The following DKK2 variants were observed in gnomAD, a reference collection of about 807,000 sequenced individuals.
DKK2 encodes the protein dickkopf Wnt signaling pathway inhibitor 2.
In DKK2, 11 loss-of-function variants were observed where a neutral mutation model predicts 28.1. That is an observed-to-expected ratio of 0.39 (90% CI 0.25 to 0.65). DKK2 has a LOEUF of 0.65. Ranked by LOEUF, DKK2 falls within the 30% of genes least tolerant of loss-of-function variation. The probability of loss-of-function intolerance (pLI) is 0.47; values close to 1 mark genes in which losing one functional copy is unlikely to be tolerated. For missense variants in DKK2, 326 were observed against 335.5 expected, an observed-to-expected ratio of 0.97 and a Z score of 0.22; for synonymous variants, 135 against 126.5, an observed-to-expected ratio of 1.07 and a Z score of -0.45.
At chr4:106,935,454 C>T (rs559347063) in intron 1 of DKK2, among the ~76,000 whole-genome samples, 52 of 152,346 alleles carry the variant, frequency 3.4e-4, no homozygotes, top group Non-Finnish European at 5.9e-4. Context: ...ACACCTGGCT[C>T]GGAGGGTCCT....
chr4:106,999,639 C>T (rs1282995424), intron 1 of DKK2, among the ~76,000 whole-genome samples: 2 of 152,168 alleles, frequency 1.3e-5, no homozygotes, highest in African/African-American at 4.8e-5. Context: ...GCCACCGTGC[C>T]CGGCCCTGTA....
At chr4:106,931,345 AT>A (rs1340198530) in intron 1 of DKK2, among the ~76,000 whole-genome samples, 3 of 152,140 alleles carry the variant, frequency 2.0e-5, no homozygotes, top group Non-Finnish European at 4.4e-5. Context: ...GTATTTATTT[AT>A]TGAACACCAA....
intron 1 of DKK2, among the ~76,000 whole-genome samples, chr4:107,028,495 C>A (rs1164326446): frequency 6.6e-6 from 1 of 152,032 alleles, no homozygotes; most frequent in East Asian, 1.9e-4. Context: ...CACCATTGCC[C>A]AGTAAGTTAA....
At chr4:106,951,837 C>T (rs1261642430) in intron 1 of DKK2, among the ~76,000 whole-genome samples, 1 of 152,052 alleles carries the variant, frequency 6.6e-6, no homozygotes, top group Non-Finnish European at 1.5e-5. Flanking sequence ...TTAAAATTTT[C>T]TGCAAAATAT....
intron 1 of DKK2, among the ~76,000 whole-genome samples, chr4:106,991,126 T>C (rs1294560309): frequency 6.6e-6 from 1 of 152,216 alleles, no homozygotes; most frequent in Non-Finnish European, 1.5e-5. Flanking sequence ...TTACATTTTA[T>C]ATGAAACAAT....
chr4:107,001,402 TAG>T (rs1479838380), intron 1 of DKK2, among the ~76,000 whole-genome samples: 2 of 152,242 alleles, frequency 1.3e-5, no homozygotes, highest in African/African-American at 4.8e-5. Flanking sequence ...GAAATTATAA[TAG>T]AGATTTGGGC....
intron 1 of DKK2, among the ~76,000 whole-genome samples, chr4:106,943,467 GA>G (rs1268680619): frequency 6.6e-6 from 1 of 151,998 alleles, no homozygotes; most frequent in Non-Finnish European, 1.5e-5. Context: ...TGGTAAAAAG[GA>G]AAATATTGAA....
At chr4:107,005,542 G>C (rs1032040350) in intron 1 of DKK2, among the ~76,000 whole-genome samples, 1 of 151,904 alleles carries the variant, frequency 6.6e-6, no homozygotes, top group Non-Finnish European at 1.5e-5. Flanking sequence ...AATAAATGTG[G>C]ATATTCTGAT....
chr4:106,981,834 C>A (rs1723030122), intron 1 of DKK2, among the ~76,000 whole-genome samples: 1 of 152,064 alleles, frequency 6.6e-6, no homozygotes, highest in Non-Finnish European at 1.5e-5. Context: ...CTATTTATAT[C>A]ATACTTATAT....
At chr4:106,960,131 TAC>T (rs1029025304) in intron 1 of DKK2, among the ~76,000 whole-genome samples, 1 of 147,268 alleles carries the variant, frequency 6.8e-6, no homozygotes, top group Non-Finnish European at 1.5e-5. Context: ...TATATATATA[TAC>T]ACACACACAT....
At chr4:106,994,789 G>A (rs1229110799) in intron 1 of DKK2, among the ~76,000 whole-genome samples, 1 of 152,116 alleles carries the variant, frequency 6.6e-6, no homozygotes, top group Non-Finnish European at 1.5e-5. Context: ...TTGAAGTCCT[G>A]GTGCTACTCC....
chr4:107,015,491 G>A (rs1723584534), intron 1 of DKK2, among the ~76,000 whole-genome samples: 1 of 151,534 alleles, frequency 6.6e-6, no homozygotes, highest in Admixed American at 6.6e-5. Flanking sequence ...TTGACTACAG[G>A]CACTACATAC....
At chr4:107,003,135 C>T (rs1030518278) in intron 1 of DKK2, among the ~76,000 whole-genome samples, 2 of 152,154 alleles carry the variant, frequency 1.3e-5, no homozygotes, top group Non-Finnish European at 2.9e-5. Context: ...CCTTGCCTCT[C>T]TCTTAGTTTT....
At chr4:106,968,147 C>CA (rs5860839) in intron 1 of DKK2, among the ~76,000 whole-genome samples, 16 of 148,380 alleles carry the variant, frequency 1.1e-4, no homozygotes, top group African/African-American at 3.0e-4. Context: ...AAGGAAGAGA[C>CA]AAAAAAAAGG....
At chr4:107,030,689 A>T (rs577139190) in intron 1 of DKK2, among the ~76,000 whole-genome samples, 170 of 152,182 alleles carry the variant, frequency 1.1e-3, no homozygotes, top group African/African-American at 3.9e-3. Flanking sequence ...TAAAGAATAA[A>T]CAGCCATTAG....
At chr4:106,944,368 G>T (rs902322799) in intron 1 of DKK2, among the ~76,000 whole-genome samples, 3 of 152,060 alleles carry the variant, frequency 2.0e-5, no homozygotes, top group African/African-American at 7.2e-5. Flanking sequence ...GGCAGACAAT[G>T]CTTCTAGGTA....
intron 1 of DKK2, among the ~76,000 whole-genome samples, chr4:107,006,219 A>G (rs1019315778): frequency 1.3e-5 from 2 of 152,232 alleles, no homozygotes; most frequent in African/African-American, 4.8e-5. Flanking sequence ...TTCACATTAA[A>G]ATAACTTTTA....
At chr4:106,931,415 C>G (rs1208225576) in intron 1 of DKK2, among the ~76,000 whole-genome samples, 1 of 151,560 alleles carries the variant, frequency 6.6e-6, no homozygotes, top group Non-Finnish European at 1.5e-5. Context: ...GTCTGTTACC[C>G]CCAAAATAAT....
chr4:106,985,470 G>A (rs553812429), intron 1 of DKK2, among the ~76,000 whole-genome samples: 128 of 152,000 alleles, frequency 8.4e-4, no homozygotes, highest in Non-Finnish European at 1.3e-3. Flanking sequence ...TATTTATTAC[G>A]ACTGCATGTG....
Sources: gnomAD v4.1 joint callset for allele counts (sites outside exome capture counted in the v4.1 genomes callset) on GRCh38, gnomAD v4.1.1 for gene constraint, MANE v1.5 for transcripts, NCBI Gene and HGNC (gene_info 2026-07-23, HGNC 2026-07-21) for gene names.